The following SETBP1 variants were observed in gnomAD, a reference collection of about 807,000 sequenced individuals.
The protein encoded by SETBP1 is SET binding protein 1, also known as SET-binding protein.
In SETBP1, 9 loss-of-function variants were observed where a neutral mutation model predicts 101.0. That is an observed-to-expected ratio of 0.09 (90% CI 0.05 to 0.16). The LOEUF is 0.16. Among genes scored for constraint, SETBP1 ranks in the 10% least tolerant of loss-of-function variants. SETBP1 has a pLI of 1.00. For synonymous variants in SETBP1, 818 were observed against 788.5 expected, an observed-to-expected ratio of 1.04 and a Z score of -0.63; for missense variants, 1,858 against 2,033.8, an observed-to-expected ratio of 0.91 and a Z score of 1.66.
chr18:44,869,093 C>T (rs1235522397), intron 2 of SETBP1, 137 bp from the exon 3 acceptor site: 2 of 766,636 alleles, frequency 2.6e-6, no homozygotes, highest in Non-Finnish European at 2.3e-6. Context: ...GTCCAGAAAT[C>T]TCACATTTGC....
chr18:44,738,677 G>A (rs1599055288), intron 2 of SETBP1, among the ~76,000 whole-genome samples: 1 of 151,312 alleles, frequency 6.6e-6, no homozygotes, highest in African/African-American at 2.4e-5. Context: ...AGGAGGCTGA[G>A]CCAGGAGAAT....
intron 1 of SETBP1, among the ~76,000 whole-genome samples, 182 bp from the exon 2 acceptor site, chr18:44,700,993 T>A (rs2069106364): frequency 1.3e-5 from 2 of 152,196 alleles, no homozygotes; most frequent in African/African-American, 4.8e-5. Context: ...TGTGAATGTG[T>A]TTTTCCCTCT....
chr18:44,995,390 C>G (rs1374268490), intron 4 of SETBP1, among the ~76,000 whole-genome samples: 1 of 152,060 alleles, frequency 6.6e-6, no homozygotes, highest in Non-Finnish European at 1.5e-5. Context: ...ATCTGCCCAC[C>G]TCGGCCTCCC....
intron 3 of SETBP1, among the ~76,000 whole-genome samples, chr18:44,914,654 C>A (rs1340026448): frequency 6.6e-6 from 1 of 152,072 alleles, no homozygotes; most frequent in East Asian, 1.9e-4. Context: ...AGGATGGATA[C>A]CACTGGTTAC....
intron 4 of SETBP1, among the ~76,000 whole-genome samples, chr18:45,036,774 TC>T (rs2073406542): frequency 6.6e-6 from 1 of 152,218 alleles, no homozygotes; most frequent in African/African-American, 2.4e-5. Context: ...AGATGCCTTA[TC>T]CAGGTGTGAT....
At chr18:44,692,668 C>A (rs1267824600) in intron 1 of SETBP1, among the ~76,000 whole-genome samples, 1 of 152,060 alleles carries the variant, frequency 6.6e-6, no homozygotes, top group Non-Finnish European at 1.5e-5. Context: ...CAAGACCGTG[C>A]GTGTGTGTGT....
At chr18:45,037,866 A>G (rs746869469) in intron 4 of SETBP1, among the ~76,000 whole-genome samples, 1 of 152,100 alleles carries the variant, frequency 6.6e-6, no homozygotes, top group Non-Finnish European at 1.5e-5. Context: ...TGCTGGCCTC[A>G]TCTGGATCAT....
intron 1 of SETBP1, among the ~76,000 whole-genome samples, chr18:44,687,393 G>T (rs924719091): frequency 6.6e-6 from 1 of 152,166 alleles, no homozygotes; most frequent in African/African-American, 2.4e-5. Context: ...TCCCACTGAG[G>T]ATTAATGCCC....
At chr18:45,016,209 A>T (rs927464553) in intron 4 of SETBP1, among the ~76,000 whole-genome samples, 1 of 152,110 alleles carries the variant, frequency 6.6e-6, no homozygotes, top group Non-Finnish European at 1.5e-5. Flanking sequence ...TCCCTTATAC[A>T]CTATTTTAGG....
intron 3 of SETBP1, among the ~76,000 whole-genome samples, chr18:44,884,855 C>A (rs2069605017): frequency 6.6e-6 from 1 of 151,960 alleles, no homozygotes; most frequent in Non-Finnish European, 1.5e-5. Flanking sequence ...AGTTCAGTGT[C>A]TAGGTATATT....
At chr18:44,828,146 C>G (rs913257090) in intron 2 of SETBP1, among the ~76,000 whole-genome samples, 1 of 152,060 alleles carries the variant, frequency 6.6e-6, no homozygotes, top group African/African-American at 2.4e-5. Flanking sequence ...TTGAAATGTC[C>G]CTTTGTTGTC....
intron 3 of SETBP1, among the ~76,000 whole-genome samples, chr18:44,884,425 C>T (rs1009449625): frequency 8.5e-5 from 13 of 152,190 alleles, no homozygotes; most frequent in African/African-American, 3.1e-4. Context: ...TATGTCCTCT[C>T]TATCTGCCAC....
chr18:44,895,301 G>A (rs1599289080), intron 3 of SETBP1, among the ~76,000 whole-genome samples: 1 of 111,528 alleles, frequency 9.0e-6, no homozygotes, highest in African/African-American at 3.5e-5. Flanking sequence ...GAGGGAGGAA[G>A]GGGGGAGAGA....
At chr18:44,711,729 A>AGAT (rs2069351376) in intron 2 of SETBP1, among the ~76,000 whole-genome samples, 1 of 133,742 alleles carries the variant, frequency 7.5e-6, no homozygotes, top group Non-Finnish European at 1.6e-5. Flanking sequence ...TTTTTGGTAG[A>AGAT]GATAGGTCTT....
rs182201463 is a variant in SETBP1, at chr18:44,939,486, C to T, written c.541-10395C>T. Among the ~76,000 whole-genome samples the T allele has an allele frequency of 2.6e-4, 39 of 152,212 alleles. 1 individual carries two copies. Among genetic ancestry groups the T allele is most frequent in the African/African-American group, 8.2e-4 (34 of 41,526 alleles). ...TTCTGCCTTTGATTGGCACCTGAAC[C>T]GCTTCAAGGTGCTAACAACTCTGAA... On this transcript the variant is annotated intron_variant, in intron 3 of 5. Coordinates refer to ENST00000649279, the MANE Select transcript of SETBP1 (RefSeq NM_015559.3).
chr18:44,727,850 T>C lies in SETBP1; in HGVS notation c.486+26018T>C, dbSNP rs540223233. On this transcript the variant is annotated intron_variant, in intron 2 of 5. Transcript: ENST00000649279. ...AAGTAATTCTTCTTATAGCCCCCAC[T>C]TCTTGGTCTTATCTAACCCTCAAAC... Among the ~76,000 whole-genome samples, 19 of 152,284 alleles carry C rather than the reference T, an allele frequency of 1.2e-4. No homozygotes were observed. The East Asian group carries it at 3.5e-3, about 28-fold the overall frequency.
intron 5 of SETBP1, among the ~76,000 whole-genome samples, chr18:45,054,571 C>G (rs1216809789): frequency 6.6e-6 from 1 of 152,162 alleles, no homozygotes; most frequent in South Asian, 2.1e-4. Context: ...GGTGGGCAAC[C>G]CCTTGTGATG....
chr18:44,983,314 T>C (rs2072156306), intron 4 of SETBP1, among the ~76,000 whole-genome samples: 1 of 152,184 alleles, frequency 6.6e-6, no homozygotes, highest in South Asian at 2.1e-4. Context: ...ATTCCAATAA[T>C]AATTAATTTG....
chr18:44,915,101 T>G, intron 3 of SETBP1, among the ~76,000 whole-genome samples: 1 of 152,138 alleles, frequency 6.6e-6, no homozygotes, highest in Non-Finnish European at 1.5e-5. Flanking sequence ...ATGAAGAAAT[T>G]TTGCCTACTG....
Sources: gnomAD v4.1 joint callset for allele counts (sites outside exome capture counted in the v4.1 genomes callset) on GRCh38, gnomAD v4.1.1 for gene constraint, MANE v1.5 for transcripts, NCBI Gene and HGNC (gene_info 2026-07-23, HGNC 2026-07-21) for gene names.